NPC1: variants seen among roughly 807,000 people sequenced by gnomAD.
NPC1 encodes NPC intracellular cholesterol transporter 1, also known as Niemann-Pick C1 protein.
Under a neutral mutation model 140.4 loss-of-function variants are expected in NPC1, and 85 were observed. That is an observed-to-expected ratio of 0.61 (90% CI 0.51 to 0.72). The LOEUF is 0.72. NPC1 is among the 30% of genes least tolerant of loss of function. The probability of loss-of-function intolerance (pLI) is 0.00; values close to 1 mark genes in which losing one functional copy is unlikely to be tolerated. For synonymous variants in NPC1, 656 were observed against 624.8 expected (o/e 1.05, Z -0.74); for missense variants, 1,504 against 1,623.8 (o/e 0.93, Z 1.27).
chr18:23,509,762 AT>A (rs1567914489), intron 3 of NPC1: 1 of 152,082 alleles, frequency 6.6e-6, no homozygotes, highest in East Asian at 1.9e-4. Flanking sequence ...GGATTTCTCC[AT>A]GTTGAGACTG....
At chr18:23,548,412 C>T (rs372813005) in intron 10 of NPC1, among the ~76,000 whole-genome samples, 2 of 148,076 alleles carry the variant, frequency 1.4e-5, no homozygotes, top group African/African-American at 5.0e-5. Flanking sequence ...AAGTGTTTAT[C>T]GAAAATTCTC....
chr18:23,562,144 C>T (rs544088906), intron 4 of NPC1, among the ~76,000 whole-genome samples: 18 of 152,138 alleles, frequency 1.2e-4, no homozygotes, highest in African/African-American at 4.3e-4. Flanking sequence ...AAAAAATTAG[C>T]CGGGCGTGGT....
chr18:23,541,044 G>T (rs959155893), intron 16 of NPC1, 24 bp downstream of exon 16: 2 of 1,613,692 alleles, frequency 1.2e-6, no homozygotes, highest in African/African-American at 2.7e-5. Flanking sequence ...AGAGGAAAGA[G>T]AAAAACCACA....
Position 23,562,445 on chromosome 18 carries a change from T to G in NPC1, c.464-918A>C, listed in dbSNP as rs138080289. 1.4e-3 allele frequency among the ~76,000 whole-genome samples: 206 copies of G among 152,086 alleles called. 2 individuals are homozygous for G. Among genetic ancestry groups the G allele is most frequent in the Non-Finnish European group, 3.7e-4 (25 of 67,990 alleles). ...ATGGGTCCTGTACTGTCGATTCTCA[T>G]TTACCAGTCTCTGCTTGCTAGAAAC... On this transcript the variant is annotated intron_variant, in intron 4 of 24. Transcript: ENST00000269228.
intron 14 of NPC1, among the ~76,000 whole-genome samples, chr18:23,543,093 C>T (rs1195609492): frequency 1.3e-5 from 2 of 152,116 alleles, no homozygotes; most frequent in South Asian, 2.1e-4. Flanking sequence ...TTTGGGAGGC[C>T]GAGGCAGGTA....
At chr18:23,570,927 G>A (rs182473577) in intron 3 of NPC1, among the ~76,000 whole-genome samples, 34 of 152,282 alleles carry the variant, frequency 2.2e-4, no homozygotes, top group African/African-American at 8.2e-4. Context: ...CTTCACCAGA[G>A]GGAGGGACAA....
chr18:23,521,169 A>T (rs985244994), downstream of NPC1, among the ~76,000 whole-genome samples: 3 of 152,188 alleles, frequency 2.0e-5, no homozygotes, highest in Non-Finnish European at 4.4e-5. Context: ...CTAGTTTTTT[A>T]AAAAATGCAA....
chr18:23,535,443 C>G (rs199529804), intron 22 of NPC1, 26 bp downstream of exon 22: 1 of 1,524,048 alleles, frequency 6.6e-7, no homozygotes, highest in African/African-American at 1.4e-5. Flanking sequence ...GAGCTAGGGA[C>G]AAACTGAGAC....
intron 22 of NPC1, 136 bp from the exon 23 acceptor site, chr18:23,534,695 C>T (rs1239806077): frequency 2.8e-6 from 2 of 722,784 alleles, no homozygotes; most frequent in South Asian, 3.0e-5. Flanking sequence ...ATTGGACTTA[C>T]AAGGCCTCCA....
chr18:23,562,988 T>C (rs1001109996), intron 4 of NPC1, among the ~76,000 whole-genome samples: 1 of 152,190 alleles, frequency 6.6e-6, no homozygotes, highest in Non-Finnish European at 1.5e-5. Context: ...TTTTATAACA[T>C]TTTCATCACC....
chr18:23,533,755 C>G (rs2058579698), intron 23 of NPC1: 1 of 506,944 alleles, frequency 2.0e-6, no homozygotes, highest in African/African-American at 1.9e-5. Context: ...GTCCGCCAGC[C>G]TTGGCCTCCC....
At chr18:23,529,616 C>T (rs190705201), downstream of NPC1, 108 of 1,606,854 alleles carry the variant, frequency 6.7e-5, no homozygotes, top group Admixed American at 1.1e-3. Flanking sequence ...TTTGTAAGAC[C>T]ACATTTTTTT....
Position 23,548,036 on chromosome 18 carries a change from T to C in NPC1, c.1727A>G (p.Lys576Arg), listed in dbSNP as rs761660695. Residue 576 changes from lysine (K) to arginine (R), a missense_variant, in exon 11 of 25, where the codon AAG (lysine) becomes AGG (arginine). Transcript: ENST00000269228. ...PVNNYYNDTE[K>R]LQRAQAWEKE... is the part of the protein sequence containing the mutation. ...TTCCCAGGCCTGGGCCCTCTGGAGCTTCTCTGTATCATTATAGTAATTATT... is the reference window on the plus strand; with the variant it reads ...TTCCCAGGCCTGGGCCCTCTGGAGCCTCTCTGTATCATTATAGTAATTATT... 4 of 1,610,308 alleles carry C rather than the reference T, an allele frequency of 2.5e-6. No individual in the cohort carries two copies. The Admixed American group carries it at 6.7e-5, about 27-fold the overall frequency.
At position 23,524,262 on chromosome 18, in the gene NPC1, G is replaced by A. The variant is rs1456638286; in HGVS notation, c.164-1356C>T. ...TCCTGAAGTCCTCCTCCGGGCAGCT[G>A]TGAATAACACTCCGAGAGCCACCCC... is the stretch of plus-strand genomic sequence containing the variant. On this transcript the variant is annotated intron_variant, in intron 1 of 1. Coordinates refer to the NPC1 transcript ENST00000590723. The A allele has an allele frequency of 1.1e-5, 17 of 1,549,612 alleles. 1 individual carries two copies. In the Admixed American group the frequency reaches 2.7e-4, roughly 25 times the overall value.
At chr18:23,516,038 T>C in intron 3 of NPC1, 1 of 1,613,294 alleles carries the variant, frequency 6.2e-7, no homozygotes, top group Non-Finnish European at 8.5e-7. Flanking sequence ...TTTCCCCAGT[T>C]GTCCCCTGTT....
At chr18:23,512,494 C>T (rs558654414) in intron 3 of NPC1, among the ~76,000 whole-genome samples, 58 of 152,262 alleles carry the variant, frequency 3.8e-4, no homozygotes, top group African/African-American at 1.4e-3. Flanking sequence ...AATCACGGCT[C>T]ACTGCAGCCT....
rs2145335755 is a variant in NPC1 at position 23,533,419 on chromosome 18, C to T, written c.3690G>A (p.Leu1230=). The T allele has an allele frequency of 6.2e-7, 1 of 1,614,136 alleles. No homozygotes were observed. The highest frequency in any genetic ancestry group is 1.1e-5 in the South Asian group (1 of 91,082). ...IFQIFYFRMY[L]AMVLLGATHG... ...GAGTGGCTCCCAGTAAGACCATGGCCAAATACATCCTGAAGTAGAATATCT... is the reference window on the plus strand; with the variant it reads ...GAGTGGCTCCCAGTAAGACCATGGCTAAATACATCCTGAAGTAGAATATCT... The change falls in exon 24 of 25, where the codon TTG becomes TTA. Residue 1230 remains leucine, a synonymous_variant. Coordinates refer to ENST00000269228, the MANE Select transcript of NPC1 (RefSeq NM_000271.5).
chr18:23,538,362 A>G (rs969674555), intron 20 of NPC1, among the ~76,000 whole-genome samples, 180 bp downstream of exon 20: 2 of 152,216 alleles, frequency 1.3e-5, no homozygotes, highest in African/African-American at 4.8e-5. Context: ...TCAGTTGAAC[A>G]CTATGAGGCA....
downstream of NPC1, among the ~76,000 whole-genome samples, chr18:23,525,322 A>C (rs2145252761): frequency 6.6e-6 from 1 of 152,212 alleles, no homozygotes; most frequent in African/African-American, 2.4e-5. Flanking sequence ...ATCTCAGCTT[A>C]CTGCAGCCTT....
Sources: allele counts gnomAD v4.1 joint callset (sites outside exome capture counted in the v4.1 genomes callset), GRCh38; gene constraint gnomAD v4.1.1; transcripts MANE v1.5; gene names NCBI Gene and HGNC (gene_info 2026-07-23, HGNC 2026-07-21).